Variants in KDM1A observed in about 807,000 individuals in gnomAD.
KDM1A encodes lysine demethylase 1A.
In KDM1A, 49 loss-of-function variants were observed where a neutral mutation model predicts 109.4. The ratio of observed to expected loss-of-function variants is 0.45; its 90% CI spans 0.36 to 0.57. The LOEUF (loss-of-function observed/expected upper bound fraction) is 0.57. KDM1A is among the 20% of genes least tolerant of loss of function. KDM1A has a pLI of 0.00. For synonymous variants in KDM1A, 380 were observed against 415.4 expected (o/e 0.91, Z 1.04); for missense variants, 668 against 1,116.6 (o/e 0.60, Z 5.73).
intron 1 of KDM1A, among the ~76,000 whole-genome samples, chr1:23,027,261 T>G (rs1358654571): frequency 5.3e-5 from 8 of 152,144 alleles, no homozygotes; most frequent in Non-Finnish European, 1.2e-4. Context: ...TAGTCTTCTT[T>G]TAGCCTTAGA....
chr1:23,030,130 G>T (rs1569638640), intron 1 of KDM1A, among the ~76,000 whole-genome samples: 1 of 152,116 alleles, frequency 6.6e-6, no homozygotes, highest in African/African-American at 2.4e-5. Flanking sequence ...TTGTCTGAGG[G>T]TCATTTTATT....
chr1:23,062,728 G>C (rs528145866), intron 9 of KDM1A, among the ~76,000 whole-genome samples: 1 of 152,044 alleles, frequency 6.6e-6, no homozygotes, highest in African/African-American at 2.4e-5. Context: ...TTTTGACAAG[G>C]GACGTTTATT....
In KDM1A at chr1:23,083,459, C is replaced by T; in HGVS notation, c.*95C>T. 1 of 1,264,940 alleles carries T rather than the reference C, an allele frequency of 7.9e-7. No homozygotes were observed. The allele number at this position is 1,264,940 out of a possible 1,614,324, so 78.4% of individuals were successfully genotyped here. ...TACTAGATCCCACTGAGAAAATCCA[C>T]CCTGGCATCTGGGCTCCTGATCAGC... is the stretch of plus-strand genomic sequence containing the variant. On this transcript the variant is annotated 3_prime_UTR_variant, in exon 21 of 21. Coordinates refer to ENST00000400181, the MANE Select transcript of KDM1A (RefSeq NM_001009999.3).
At chr1:23,082,581 G>C (rs1643652447) in intron 20 of KDM1A, 1 of 458,810 alleles carries the variant, frequency 2.2e-6, no homozygotes, top group African/African-American at 2.0e-5. Flanking sequence ...GAGGAGTCCA[G>C]AGTATAAGTC....
Position 23,079,311 on chromosome 1 carries a change from C to T in KDM1A, c.2055+134C>T, listed in dbSNP as rs976109049. On this transcript the variant is annotated intron_variant, in intron 17 of 20. Coordinates refer to ENST00000400181, the MANE Select transcript of KDM1A (RefSeq NM_001009999.3). This position sits in a 1 kb window ranked among gnomAD's most constrained non-coding sequence, Gnocchi z 5.6. ...CCCAATTGTGACATCAGGGCTGAGG[C>T]GTGTCAGTTGATTCTCTTCAGTGCC... The T allele has an allele frequency of 4.7e-6, 4 of 845,714 alleles. No homozygotes were observed. The highest frequency in any genetic ancestry group is 5.5e-6 in the Non-Finnish European group (3 of 544,814). The allele number at this position is 845,714 out of a possible 1,614,324, so 52.4% of individuals were successfully genotyped here.
At chr1:23,042,651 A>G (rs1642382505) in intron 2 of KDM1A, among the ~76,000 whole-genome samples, 1 of 149,752 alleles carries the variant, frequency 6.7e-6, no homozygotes, top group Non-Finnish European at 1.5e-5. Flanking sequence ...ACGGGGTTTC[A>G]CCGTTTTAGC....
intron 11 of KDM1A, 62 bp downstream of exon 11, chr1:23,068,743 G>T: frequency 3.0e-6 from 4 of 1,341,010 alleles, no homozygotes; most frequent in African/African-American, 1.5e-5. Context: ...TGCTATTTAT[G>T]TTTTAAGTTT....
At chr1:23,053,952 T>G in intron 5 of KDM1A, 113 bp downstream of exon 5, 1 of 672,328 alleles carries the variant, frequency 1.5e-6, no homozygotes, top group South Asian at 1.7e-5. Context: ...ATTTCCATGT[T>G]ATTTCACCTT....
chr1:23,049,107 G>A (rs1039859477), intron 3 of KDM1A, among the ~76,000 whole-genome samples: 1 of 138,662 alleles, frequency 7.2e-6, no homozygotes, highest in Non-Finnish European at 1.5e-5. Flanking sequence ...AGCCGAGATC[G>A]CGCTACTGCA....
chr1:23,083,193 C>G lies in KDM1A; in HGVS notation c.2460C>G (p.Leu820=), dbSNP rs772293709. The change falls in exon 21 of 21, where the codon CTC becomes CTG. Residue 820 remains leucine, a synonymous_variant. Coordinates refer to ENST00000400181, the MANE Select transcript of KDM1A (RefSeq NM_001009999.3). The stretch of plus-strand genomic sequence containing the variant: ...CCCTAAAATAGCCGATTCCACGACT[C>G]TTCTTTGCGGGAGAACATACGATCC... The part of the protein sequence containing the change: ...IPGAPQPIPR[L]FFAGEHTIRN... The G allele has an allele frequency of 2.5e-6, 4 of 1,610,544 alleles. No individual in the cohort carries two copies. The highest frequency in any genetic ancestry group is 1.3e-5 in the African/African-American group (1 of 74,940).
intron 15 of KDM1A, among the ~76,000 whole-genome samples, chr1:23,075,127 T>G (rs1245408522): frequency 6.6e-6 from 1 of 152,254 alleles, no homozygotes. Context: ...TACAGTATAC[T>G]TCTCCAAAAA....
chr1:23,055,118 T>A lies in KDM1A; in HGVS notation c.840T>A (p.Gly280=), dbSNP rs1381689295. The change falls in exon 6 of 21, where the codon GGT becomes GGA. Residue 280 remains glycine, a synonymous_variant. Transcript: ENST00000400181. ...TTCACAGTTATTTAGAGCGTCATGG[T>A]CTTATCAACTTCGGCATCTATAAGA... ...HRVHSYLERH[G]LINFGIYKRI... 1.4e-5 allele frequency: 22 copies of A among 1,612,512 alleles called. No homozygotes were observed. The highest frequency in any genetic ancestry group is 1.7e-5 in the Non-Finnish European group (20 of 1,179,586).
intron 15 of KDM1A, among the ~76,000 whole-genome samples, chr1:23,074,476 T>C (rs1952527): frequency 0.36 from 54,084 of 152,078 alleles, 9,886 homozygotes; most frequent in African/African-American, 0.44. Flanking sequence ...AGGTCTTGCT[T>C]TGTTGCCCAG....
Position 23,073,487 on chromosome 1 carries a change from T to C in KDM1A, c.1734+84T>C, listed in dbSNP as rs1643376633. On this transcript the variant is annotated intron_variant, in intron 15 of 20. Coordinates refer to ENST00000400181, the MANE Select transcript of KDM1A (RefSeq NM_001009999.3). ...AATAGTTAATTTTGTATGTGTGTTT[T>C]TAAACAGCTTTAGTAAGAGACATCA... 2 of 766,516 alleles carry C rather than the reference T, an allele frequency of 2.6e-6. 1 individual carries two copies. Among genetic ancestry groups the C allele is most frequent in the South Asian group, 3.1e-5 (2 of 64,556 alleles). 47.5% of individuals were successfully genotyped at this position (766,516 alleles called of 1,614,324 possible). A position where few individuals can be genotyped will look rare whatever the true frequency, so the allele number is the denominator to read the frequency against.
chr1:23,051,070 C>T (rs1053362465), intron 4 of KDM1A, among the ~76,000 whole-genome samples: 3 of 151,928 alleles, frequency 2.0e-5, no homozygotes, highest in African/African-American at 7.3e-5. Context: ...GCCTGGGCAA[C>T]AGAGTAGAGT....
In KDM1A at chr1:23,082,203, C is replaced by T. The variant is rs750331244; in HGVS notation, c.2299-17C>T. Reference sequence around the variant, plus strand: ...TTGGTGTCTCGTAATGACTTTTGCTCCTGGTTTTTCTTTTAGCCCAAAGAA... The same window carrying T: ...TTGGTGTCTCGTAATGACTTTTGCTTCTGGTTTTTCTTTTAGCCCAAAGAA... On this transcript the variant is annotated splice_polypyrimidine_tract_variant and intron_variant, in intron 19 of 20. Coordinates refer to ENST00000400181, the MANE Select transcript of KDM1A (RefSeq NM_001009999.3). The T allele has an allele frequency of 6.8e-6, 11 of 1,611,690 alleles. No homozygotes were observed. The highest frequency in any genetic ancestry group is 1.7e-6 in the Non-Finnish European group (2 of 1,179,058).
chr1:23,062,732 G>A (rs1034207253), intron 9 of KDM1A, among the ~76,000 whole-genome samples: 1 of 152,054 alleles, frequency 6.6e-6, no homozygotes, highest in Non-Finnish European at 1.5e-5. Context: ...GACAAGGGAC[G>A]TTTATTTTAT....
Position 23,019,739 on chromosome 1 carries a change from C to G in KDM1A, c.143C>G (p.Ala48Gly). The G allele has an allele frequency of 7.5e-7, 1 of 1,333,996 alleles. No individual in the cohort carries two copies. Among genetic ancestry groups the G allele is most frequent in the Non-Finnish European group, 9.6e-7 (1 of 1,041,042 alleles). The allele number at this position is 1,333,996 out of a possible 1,614,324, so 82.6% of individuals were successfully genotyped here. Reference protein sequence around the residue: ...AAQPAGLSGPAEVGPGAVGER... With the variant: ...AAQPAGLSGPGEVGPGAVGER... ...CAGCCCGCGGGCCTGTCGGGCCCAGCCGAGGTCGGGCCGGGGGCGGTGGGG... is the reference window on the plus strand; with the variant it reads ...CAGCCCGCGGGCCTGTCGGGCCCAGGCGAGGTCGGGCCGGGGGCGGTGGGG... The change falls in exon 1 of 21, where the codon GCC becomes GGC. Residue 48 changes from alanine to glycine, a missense_variant. Around this residue, in one of 8 missense-constraint regions of KDM1A, gnomAD observed 156 missense variants for 163.4 expected, o/e 0.95. Coordinates refer to ENST00000400181, the MANE Select transcript of KDM1A (RefSeq NM_001009999.3).
intron 1 of KDM1A, chr1:23,020,554 G>A (rs977937585): frequency 2.0e-5 from 3 of 151,862 alleles, no homozygotes; most frequent in African/African-American, 7.3e-5. Flanking sequence ...TGAGGAAGCT[G>A]CTGATTGAGA....
Sources: allele counts gnomAD v4.1 joint callset (sites outside exome capture counted in the v4.1 genomes callset), GRCh38; gene constraint gnomAD v4.1.1; regional missense constraint gnomAD v4.1.1; non-coding constraint Gnocchi (gnomAD v3.1); transcripts MANE v1.5; gene names NCBI Gene and HGNC (gene_info 2026-07-23, HGNC 2026-07-21).